Variants in ABCB11 observed in about 807,000 individuals in gnomAD.
ABCB11 encodes bile salt export pump.
ABCB11 carries 95 observed loss-of-function variants against 148.0 expected under a neutral mutation model. The ratio of observed to expected loss-of-function variants is 0.64; its 90% CI spans 0.54 to 0.76. The LOEUF (loss-of-function observed/expected upper bound fraction) is 0.76. ABCB11 is among the 30% of genes least tolerant of loss of function. The pLI, the probability that ABCB11 is intolerant of heterozygous loss-of-function variation, is 0.00. For synonymous variants in ABCB11, 591 were observed against 555.4 expected, an observed-to-expected ratio of 1.06 and a Z score of -0.90; for missense variants, 1,523 against 1,617.8, an observed-to-expected ratio of 0.94 and a Z score of 1.01.
intron 2 of ABCB11, 131 bp downstream of exon 2, chr2:169,017,919 G>T: frequency 1.2e-6 from 1 of 814,424 alleles, no homozygotes; most frequent in Non-Finnish European, 2.2e-6. Flanking sequence ...TTGTGTATAA[G>T]AATCACACAC....
In ABCB11 at chr2:168,921,862, T is replaced by C. The variant is rs1691084988; in HGVS notation, c.*1760A>G. Among the ~76,000 whole-genome samples, 1 of 140,360 alleles carries C rather than the reference T, an allele frequency of 7.1e-6. No individual in the cohort carries two copies. Among genetic ancestry groups the C allele is most frequent in the African/African-American group, 3.0e-5 (1 of 33,082 alleles). The allele number at this position is 140,360 out of a possible 152,430, so 92.1% of individuals were successfully genotyped here. On this transcript the variant is annotated 3_prime_UTR_variant, in exon 28 of 28. Transcript: ENST00000650372. ...CCTTGACCTCTTTTCTTTTTCTTTT[T>C]CTTTTTTTTTTTTTTTCGCTCTGTC...
intron 18 of ABCB11, among the ~76,000 whole-genome samples, chr2:168,962,680 A>G (rs1366795575): frequency 2.0e-5 from 3 of 151,726 alleles, no homozygotes; most frequent in Admixed American, 6.6e-5. Flanking sequence ...TAGAAATGTC[A>G]ATGTAGTGTT....
chr2:169,020,432 T>C (rs1431754580), intron 1 of ABCB11, among the ~76,000 whole-genome samples: 1 of 151,674 alleles, frequency 6.6e-6, no homozygotes, highest in Admixed American at 6.6e-5. Flanking sequence ...ATGTAGAAAA[T>C]GTCATCAATC....
chr2:168,923,021 T>A lies in ABCB11; in HGVS notation c.*601A>T, dbSNP rs1473300919. The A allele has an allele frequency of 6.5e-6, 1 of 154,712 alleles. No individual in the cohort carries two copies. The highest frequency in any genetic ancestry group is 6.3e-5 in the Admixed American group (1 of 15,778). The allele number at this position is 154,712 out of a possible 1,614,324, so 9.6% of individuals were successfully genotyped here. On this transcript the variant is annotated 3_prime_UTR_variant, in exon 28 of 28. Transcript: ENST00000650372. ...GGAAAGCTCATGCTAATACTTTCCC[T>A]TTCTGCCTCCCTCAGCCTGAGAGCA...
chr2:169,007,410 C>G (rs1045789863), intron 5 of ABCB11, among the ~76,000 whole-genome samples: 4 of 152,104 alleles, frequency 2.6e-5, no homozygotes, highest in Admixed American at 2.6e-4. Flanking sequence ...TAAAGAAATA[C>G]CTGAGACTGG....
chr2:168,949,643 G>A (rs1574421481), intron 19 of ABCB11, among the ~76,000 whole-genome samples: 1 of 151,610 alleles, frequency 6.6e-6, no homozygotes, highest in South Asian at 2.1e-4. Flanking sequence ...TGTGAATAGT[G>A]TGACAATAAA....
chr2:169,014,333 A>G lies in ABCB11; in HGVS notation c.120T>C (p.Gly40=), dbSNP rs2106050027. The change falls in exon 4 of 28, where the codon GGT becomes GGC. Residue 40 remains glycine (G), a synonymous_variant. Transcript: ENST00000650372. ...KKSRLQDEKK[G]DGVRVGFFQL... ...GAAAGAAGCCAACTCTAACGCCATCACCTTTCTTCTCATCTTGTAACCTGA... is the reference window on the plus strand; with the variant it reads ...GAAAGAAGCCAACTCTAACGCCATCGCCTTTCTTCTCATCTTGTAACCTGA... 6.2e-7 allele frequency: 1 copy of G among 1,613,428 alleles called. No homozygotes were observed. Among genetic ancestry groups the G allele is most frequent in the Non-Finnish European group, 8.5e-7 (1 of 1,179,560 alleles).
At chr2:169,025,037 CAGAG>C (rs537326244) in intron 1 of ABCB11, among the ~76,000 whole-genome samples, 1 of 151,832 alleles carries the variant, frequency 6.6e-6, no homozygotes, top group Non-Finnish European at 1.5e-5. Flanking sequence ...TTCAAAAAAA[CAGAG>C]AGACTCTTTA....
At position 168,979,904 on chromosome 2, in the gene ABCB11, G is replaced by T; in HGVS notation, c.1159C>A (p.Arg387Ser). 6.2e-7 allele frequency: 1 copy of T among 1,606,828 alleles called. No homozygotes were observed. The highest frequency in any genetic ancestry group is 2.2e-5 in the East Asian group (1 of 44,512). ...SPCLEAFATG[R>S]AAATSIFETI... Reference sequence around the variant, plus strand: ...TCAAAAATGCTGGTGGCTGCTGCACGTCCAGTTGCAAAGGCTTCCAAACAA... The same window carrying T: ...TCAAAAATGCTGGTGGCTGCTGCACTTCCAGTTGCAAAGGCTTCCAAACAA... The change falls in exon 11 of 28, where the codon CGT (arginine) becomes AGT (serine). Residue 387 changes from arginine (R) to serine (S), a missense_variant. Arg to Ser is a moderately radical substitution (Grantham distance 110). Coordinates refer to ENST00000650372, the MANE Select transcript of ABCB11 (RefSeq NM_003742.4).
At chr2:168,934,305 G>C (rs920890608) in intron 23 of ABCB11, among the ~76,000 whole-genome samples, 1 of 152,032 alleles carries the variant, frequency 6.6e-6, no homozygotes, top group Non-Finnish European at 1.5e-5. Flanking sequence ...CGGGACTCAT[G>C]GCTAGAGAAG....
In ABCB11 at chr2:168,964,250, A is replaced by T; in HGVS notation, c.2134T>A (p.Leu712Ile). 1.9e-6 allele frequency: 3 copies of T among 1,570,264 alleles called. No homozygotes were observed. The highest frequency in any genetic ancestry group is 1.3e-5 in the African/African-American group (1 of 74,100). The change falls in exon 18 of 28, where the codon TTA becomes ATA. Residue 712 changes from leucine to isoleucine, a missense_variant. By Grantham distance (5) the Leu-to-Ile change is conservative. Transcript: ENST00000650372. ...GTAGACTTATGATCTACAACAGCTA[A>T]TGGAGGTTCGTGCACCAGGTAAGAA... ...QLSYLVHEPP[L>I]AVVDHKSTYE...
intron 5 of ABCB11, among the ~76,000 whole-genome samples, chr2:169,009,113 G>A (rs1485578856): frequency 6.6e-6 from 1 of 152,272 alleles, no homozygotes; most frequent in Admixed American, 6.5e-5. Flanking sequence ...TAGGGATAGG[G>A]AGGAGGATGA....
At chr2:168,945,096 T>C in intron 19 of ABCB11, 135 bp from the exon 20 acceptor site, 1 of 607,416 alleles carries the variant, frequency 1.6e-6, no homozygotes, top group South Asian at 2.3e-5. Flanking sequence ...ACACCAAGAG[T>C]GAACCCTAAT....
intron 19 of ABCB11, among the ~76,000 whole-genome samples, chr2:168,950,140 T>TAC (rs36026125): frequency 0.022 from 3,221 of 143,976 alleles, 31 homozygotes; most frequent in Non-Finnish European, 0.029. Flanking sequence ...TATATATATA[T>TAC]ACACACACAC....
chr2:168,957,013 T>C (rs1313100095), intron 19 of ABCB11, among the ~76,000 whole-genome samples: 1 of 151,660 alleles, frequency 6.6e-6, no homozygotes, highest in Non-Finnish European at 1.5e-5. Context: ...GTTTGATGAA[T>C]CCTAATGTTC....
At chr2:169,020,817 T>A (rs2106064417) in intron 1 of ABCB11, among the ~76,000 whole-genome samples, 1 of 152,218 alleles carries the variant, frequency 6.6e-6, no homozygotes. Flanking sequence ...TAGATTATGG[T>A]GATGGTCGCA....
intron 5 of ABCB11, among the ~76,000 whole-genome samples, chr2:169,011,117 T>C (rs1695173204): frequency 6.6e-6 from 1 of 152,238 alleles, no homozygotes; most frequent in South Asian, 2.1e-4. Flanking sequence ...TTTAATTCAT[T>C]GGATAAATAT....
At chr2:168,985,996 T>C in intron 10 of ABCB11, 114 bp downstream of exon 10, 1 of 880,830 alleles carries the variant, frequency 1.1e-6, no homozygotes, top group Non-Finnish European at 1.6e-6. Flanking sequence ...CTCCATAAAA[T>C]CATTGATGCT....
At chr2:168,951,361 G>A (rs915641417) in intron 19 of ABCB11, among the ~76,000 whole-genome samples, 1 of 151,514 alleles carries the variant, frequency 6.6e-6, no homozygotes, top group Non-Finnish European at 1.5e-5. Flanking sequence ...TCATTTTAAT[G>A]TTATTAATTC....
Sources: gnomAD v4.1 joint callset for allele counts (sites outside exome capture counted in the v4.1 genomes callset) on GRCh38, gnomAD v4.1.1 for gene constraint, MANE v1.5 for transcripts, NCBI Gene and HGNC (gene_info 2026-07-23, HGNC 2026-07-21) for gene names.